Variants in TTC28 observed in about 807,000 individuals in gnomAD.
TTC28 encodes the protein tetratricopeptide repeat protein 28.
A neutral mutation model predicts 198.0 loss-of-function variants in TTC28; 61 were observed. That is an observed-to-expected ratio of 0.31 (90% CI 0.25 to 0.38). TTC28 has a LOEUF of 0.38. Ranked by LOEUF, TTC28 falls within the 10% of genes least tolerant of loss-of-function variation. TTC28 has a pLI of 1.00. For missense variants in TTC28, 2,678 were observed against 3,164.0 expected (o/e 0.85, Z 3.69); for synonymous variants, 1,171 against 1,297.8 (o/e 0.90, Z 2.10).
intron 2 of TTC28, among the ~76,000 whole-genome samples, chr22:28,410,014 T>C (rs1044341584): frequency 6.6e-6 from 1 of 151,930 alleles, no homozygotes; most frequent in Non-Finnish European, 1.5e-5. Context: ...CTCCACCTCC[T>C]GGGTTCAAGC....
intron 6 of TTC28, among the ~76,000 whole-genome samples, chr22:28,120,511 T>A (rs939134651): frequency 5.9e-5 from 9 of 152,238 alleles, no homozygotes; most frequent in African/African-American, 1.9e-4. Context: ...CACATTTTTT[T>A]CCCTGGGTTA....
intron 2 of TTC28, among the ~76,000 whole-genome samples, chr22:28,559,044 A>C (rs2049829895): frequency 6.6e-6 from 1 of 152,206 alleles, no homozygotes; most frequent in African/African-American, 2.4e-5. Flanking sequence ...TCAAAAAAAA[A>C]AAAGAGAGAA....
chr22:28,473,909 C>T (rs1259451089), intron 2 of TTC28, among the ~76,000 whole-genome samples: 4 of 152,212 alleles, frequency 2.6e-5, no homozygotes, highest in African/African-American at 4.8e-5. Context: ...CAAAAGAAAT[C>T]AACCCTCCTG....
chr22:28,377,338 C>T (rs10427676), intron 2 of TTC28, among the ~76,000 whole-genome samples: 39,449 of 149,596 alleles, frequency 0.26, 6,486 homozygotes, highest in South Asian at 0.39. Flanking sequence ...ACCTCAGCCT[C>T]CCTAGTTGAG....
chr22:28,501,331 T>TA (rs149499250), intron 2 of TTC28, among the ~76,000 whole-genome samples: 2,575 of 152,182 alleles, frequency 0.017, 73 homozygotes, highest in African/African-American at 0.058. Context: ...GAAGATGTGA[T>TA]GTATAAGGTG....
intron 2 of TTC28, among the ~76,000 whole-genome samples, chr22:28,534,919 G>C (rs1167034439): frequency 6.6e-6 from 1 of 152,052 alleles, no homozygotes; most frequent in African/African-American, 2.4e-5. Context: ...TTGTGGGGTT[G>C]GGGGAGGGGG....
At chr22:28,531,385 A>C (rs2049135724) in intron 2 of TTC28, among the ~76,000 whole-genome samples, 1 of 152,226 alleles carries the variant, frequency 6.6e-6, no homozygotes, top group Non-Finnish European at 1.5e-5. Flanking sequence ...TGCACTCAAT[A>C]CAGGAGTACC....
chr22:28,525,037 G>A (rs1383573586), intron 2 of TTC28, among the ~76,000 whole-genome samples: 2 of 152,014 alleles, frequency 1.3e-5, no homozygotes, highest in Non-Finnish European at 2.9e-5. Context: ...AGTTCATTGG[G>A]CTTACTGCTG....
chr22:28,679,800 A>T lies in TTC28; in HGVS notation c.-77T>A. On this transcript the variant is annotated 5_prime_UTR_variant, in exon 1 of 23. The change abolishes an upstream ATG in the 5' untranslated region. Coordinates refer to ENST00000397906, the MANE Select transcript of TTC28 (RefSeq NM_001145418.2). ...GGCGCGCGCGCCGGTTCCGCGCGCC[A>T]TGTTCCCGCCGTGCTGCGCGCCGCC... is the stretch of plus-strand genomic sequence containing the variant. 4.0e-6 allele frequency: 3 copies of T among 758,172 alleles called. No homozygotes were observed. Among genetic ancestry groups the T allele is most frequent in the East Asian group, 5.1e-5 (1 of 19,516 alleles). The allele number at this position is 758,172 out of a possible 1,614,324, so 47.0% of individuals were successfully genotyped here.
At chr22:28,545,417 A>T (rs999170665) in intron 2 of TTC28, among the ~76,000 whole-genome samples, 10 of 152,004 alleles carry the variant, frequency 6.6e-5, no homozygotes, top group African/African-American at 1.4e-4. Context: ...AAAAAAAATT[A>T]AAAAAATAAA....
chr22:28,322,167 G>GA (rs2045457002), intron 2 of TTC28, among the ~76,000 whole-genome samples: 3 of 152,100 alleles, frequency 2.0e-5, no homozygotes, highest in Admixed American at 1.3e-4. Flanking sequence ...ATAAGTCTCT[G>GA]ATAGGAAGGA....
In TTC28 at chr22:28,169,874, TA is replaced by T. The variant is rs532747761; in HGVS notation, c.934-6276del. On this transcript the variant is annotated intron_variant, in intron 5 of 22. Coordinates refer to ENST00000397906, the MANE Select transcript of TTC28 (RefSeq NM_001145418.2). The stretch of plus-strand genomic sequence containing the variant: ...AGAACCTGATTAAATTGGGGAATTT[TA>T]AAATAAAAACAGGAAGCACATCATA... Among the ~76,000 whole-genome samples the T allele has an allele frequency of 1.6e-4, 24 of 151,878 alleles. No individual in the cohort carries two copies. The East Asian group carries it at 4.6e-3, about 29-fold the overall frequency.
At chr22:28,516,925 G>A (rs2048800788) in intron 2 of TTC28, among the ~76,000 whole-genome samples, 1 of 152,172 alleles carries the variant, frequency 6.6e-6, no homozygotes, top group East Asian at 1.9e-4. Flanking sequence ...CCAGTCGAAA[G>A]TATGTAATAA....
In TTC28 at chr22:28,654,088, T is replaced by A. The variant is rs561476434; in HGVS notation, c.103-24258A>T. On this transcript the variant is annotated intron_variant, in intron 1 of 22. Transcript: ENST00000397906. ...GATAGATGAGGACATTATAAAGGGA[T>A]TGGCTAGATAAGCTAGTCAGAGTAC... Among the ~76,000 whole-genome samples the A allele has an allele frequency of 1.1e-4, 16 of 152,280 alleles. No homozygotes were observed. The East Asian group carries it at 3.1e-3, about 29-fold the overall frequency.
chr22:28,238,607 C>G (rs903903471), intron 5 of TTC28, among the ~76,000 whole-genome samples: 3 of 152,068 alleles, frequency 2.0e-5, no homozygotes, highest in Non-Finnish European at 1.5e-5. Flanking sequence ...TTGAGCATAG[C>G]CTTTACCAGG....
At chr22:28,612,752 A>G (rs2050839955) in intron 2 of TTC28, among the ~76,000 whole-genome samples, 1 of 152,252 alleles carries the variant, frequency 6.6e-6, no homozygotes, top group Non-Finnish European at 1.5e-5. Flanking sequence ...TAACGAAATT[A>G]AGGAAGAAAT....
intron 2 of TTC28, among the ~76,000 whole-genome samples, chr22:28,477,118 G>A (rs1039000982): frequency 6.6e-6 from 1 of 152,156 alleles, no homozygotes; most frequent in African/African-American, 2.4e-5. Context: ...TCAGTGGGGA[G>A]GAGCAGCTGA....
chr22:28,493,225 G>A (rs1161456369), intron 2 of TTC28, among the ~76,000 whole-genome samples: 1 of 151,990 alleles, frequency 6.6e-6, no homozygotes, highest in Non-Finnish European at 1.5e-5. Flanking sequence ...GCATGGTGGT[G>A]GGTGCCTGTA....
chr22:28,353,518 A>G (rs2046030708), intron 2 of TTC28, among the ~76,000 whole-genome samples: 1 of 152,228 alleles, frequency 6.6e-6, no homozygotes, highest in Non-Finnish European at 1.5e-5. Context: ...GGAACAGAAC[A>G]GAGAGCCCAG....
Sources: allele counts gnomAD v4.1 joint callset (sites outside exome capture counted in the v4.1 genomes callset), GRCh38; gene constraint gnomAD v4.1.1; transcripts MANE v1.5; gene names NCBI Gene and HGNC (gene_info 2026-07-23, HGNC 2026-07-21).